The following KIF3B variants were observed in gnomAD, a reference collection of about 807,000 sequenced individuals.
The protein encoded by KIF3B is kinesin-like protein KIF3B.
KIF3B carries 38 observed loss-of-function variants against 74.3 expected under a neutral mutation model. That is an observed-to-expected ratio of 0.51 (90% CI 0.39 to 0.67). The LOEUF (loss-of-function observed/expected upper bound fraction) is 0.67. Ranked by LOEUF, KIF3B falls within the 30% of genes least tolerant of loss-of-function variation. KIF3B has a pLI of 0.00. For missense variants in KIF3B, 649 were observed against 932.0 expected, an observed-to-expected ratio of 0.70 and a Z score of 3.95; for synonymous variants, 326 against 342.5, an observed-to-expected ratio of 0.95 and a Z score of 0.53.
chr20:32,296,772 A>T (rs2122670114), intron 1 of KIF3B, among the ~76,000 whole-genome samples: 1 of 152,296 alleles, frequency 6.6e-6, no homozygotes, highest in South Asian at 2.1e-4. Flanking sequence ...TTTTCTCAAT[A>T]TGTATAAAAC....
In KIF3B at chr20:32,322,916, A is replaced by G. The variant is rs1165914640; in HGVS notation, c.1749-3855A>G. Among the ~76,000 whole-genome samples the G allele has an allele frequency of 2.5e-5, 2 of 79,936 alleles. 1 individual carries two copies. The highest frequency in any genetic ancestry group is 1.1e-4 in the African/African-American group (2 of 18,296). The allele number at this position is 79,936 out of a possible 152,430, so 52.4% of individuals were successfully genotyped here. On this transcript the variant is annotated intron_variant, in intron 5 of 8. Coordinates refer to ENST00000375712, the MANE Select transcript of KIF3B (RefSeq NM_004798.4). ...TATACATATTCATATATATTTTTAT[A>G]TATTTATATATACATATTTATATAT... is the stretch of plus-strand genomic sequence containing the variant.
At chr20:32,322,724 T>TTATTTATTTATATA in intron 5 of KIF3B, among the ~76,000 whole-genome samples, 1 of 37,446 alleles carries the variant, frequency 2.7e-5, no homozygotes, top group Non-Finnish European at 4.4e-5. Flanking sequence ...ATATTTATAT[T>TTATTTATTTATATA]TATTTATTTA....
At chr20:32,284,262 G>T (rs975944369) in intron 1 of KIF3B, among the ~76,000 whole-genome samples, 9 of 152,052 alleles carry the variant, frequency 5.9e-5, no homozygotes, top group African/African-American at 2.2e-4. Flanking sequence ...GTATAACTTT[G>T]CAGTTTAGAA....
At chr20:32,304,733 G>T (rs567410219) in intron 1 of KIF3B, among the ~76,000 whole-genome samples, 1 of 152,112 alleles carries the variant, frequency 6.6e-6, no homozygotes, top group African/African-American at 2.4e-5. Flanking sequence ...ATGTATCAAT[G>T]ATTTAAAATC....
At position 32,333,631 on chromosome 20, in the gene KIF3B, T is replaced by TAAAA. The variant is rs2047941104; in HGVS notation, c.*2312_*2313insAAAA. ...CTGGGTGACAGAGTGAGACTCCCCC[T>TAAAA]CAAAAAAAAAAAAAAAAAAAAAAAA... On this transcript the variant is annotated 3_prime_UTR_variant, in exon 9 of 9. Transcript: ENST00000375712. 1 of 15,496 alleles carries TAAAA rather than the reference T, an allele frequency of 6.5e-5. No individual in the cohort carries two copies. The highest frequency in any genetic ancestry group is 5.3e-4 in the African/African-American group (1 of 1,872). The allele number at this position is 15,496 out of a possible 1,614,324, so 1.0% of individuals were successfully genotyped here.
Position 32,310,506 on chromosome 20 carries a change from T to C in KIF3B, c.729T>C (p.Leu243=), listed in dbSNP as rs1413695400. Residue 243 remains leucine, a synonymous_variant, in exon 2 of 9, where the codon CTT becomes CTC. Transcript: ENST00000375712. This position sits in a 1 kb window ranked among gnomAD's most constrained non-coding sequence, Gnocchi z 6.5. ...ENHIRVGKLN[L]VDLAGSERQA... Reference sequence around the variant, plus strand: ...ACATCCGTGTAGGAAAATTGAACCTTGTAGATCTTGCTGGCAGCGAACGGC... The same window carrying C: ...ACATCCGTGTAGGAAAATTGAACCTCGTAGATCTTGCTGGCAGCGAACGGC... 1.2e-6 allele frequency: 2 copies of C among 1,613,890 alleles called. No homozygotes were observed. The highest frequency in any genetic ancestry group is 1.7e-5 in the Admixed American group (1 of 60,026).
intron 1 of KIF3B, among the ~76,000 whole-genome samples, chr20:32,289,734 G>A (rs201875085): frequency 2.6e-5 from 4 of 152,072 alleles, no homozygotes; most frequent in East Asian, 1.9e-4. Flanking sequence ...AAGAAAAAAC[G>A]TTAAGTAAAT....
intron 5 of KIF3B, among the ~76,000 whole-genome samples, chr20:32,317,426 A>C (rs971158986): frequency 1.3e-5 from 2 of 152,140 alleles, no homozygotes; most frequent in African/African-American, 4.8e-5. Flanking sequence ...CTGGTCTTAC[A>C]TCTGTCTGAT....
At chr20:32,292,683 G>A (rs1053359076) in intron 1 of KIF3B, among the ~76,000 whole-genome samples, 2 of 151,898 alleles carry the variant, frequency 1.3e-5, no homozygotes, top group Non-Finnish European at 2.9e-5. Flanking sequence ...GCTTGAGCGA[G>A]GAGTTCGAGG....
intron 5 of KIF3B, among the ~76,000 whole-genome samples, chr20:32,317,621 A>G (rs960184370): frequency 2.0e-5 from 3 of 151,356 alleles, no homozygotes; most frequent in Admixed American, 1.3e-4. Context: ...ACTTATATAT[A>G]TATATATATG....
intron 5 of KIF3B, among the ~76,000 whole-genome samples, chr20:32,317,517 C>CA (rs2047834185): frequency 6.6e-6 from 1 of 152,134 alleles, no homozygotes. Context: ...AAGTACCCAT[C>CA]ACCCAGATTC....
intron 5 of KIF3B, among the ~76,000 whole-genome samples, chr20:32,323,054 TTATATTTATA>T (rs1247448581): frequency 2.0e-4 from 14 of 68,440 alleles, no homozygotes; most frequent in African/African-American, 3.8e-4. Context: ...TTATATATAT[TTATATTTATA>T]TATATTTATA....
chr20:32,314,628 G>A (rs939025057), intron 2 of KIF3B, among the ~76,000 whole-genome samples: 5 of 152,116 alleles, frequency 3.3e-5, no homozygotes, highest in Non-Finnish European at 7.4e-5. Context: ...TCATTCGAGA[G>A]GTGAGGAAAC....
At chr20:32,307,369 C>T (rs2122687441) in intron 1 of KIF3B, among the ~76,000 whole-genome samples, 1 of 152,218 alleles carries the variant, frequency 6.6e-6, no homozygotes, top group Middle Eastern at 3.4e-3. Flanking sequence ...TTTAGATTAC[C>T]ACCTTCTTTT....
chr20:32,315,668 G>A (rs190311166), intron 2 of KIF3B, among the ~76,000 whole-genome samples: 1 of 152,094 alleles, frequency 6.6e-6, no homozygotes, highest in Non-Finnish European at 1.5e-5. Flanking sequence ...AGCTGTGATC[G>A]TGCCACCGCA....
At chr20:32,308,027 G>C (rs1207954582) in intron 1 of KIF3B, among the ~76,000 whole-genome samples, 1 of 151,628 alleles carries the variant, frequency 6.6e-6, no homozygotes, top group Non-Finnish European at 1.5e-5. Flanking sequence ...TTGTGGCCAG[G>C]AGTTTGAGAC....
chr20:32,312,222 A>G (rs2047804599), intron 2 of KIF3B, among the ~76,000 whole-genome samples: 1 of 149,918 alleles, frequency 6.7e-6, no homozygotes, highest in East Asian at 2.0e-4. Context: ...CTCCCACCTC[A>G]GCCTCCCAAG....
chr20:32,316,067 A>G, intron 2 of KIF3B, 151 bp from the exon 3 acceptor site: 1 of 574,260 alleles, frequency 1.7e-6, no homozygotes. Flanking sequence ...CCAGTGATGG[A>G]TGGGCACAGC....
intron 1 of KIF3B, among the ~76,000 whole-genome samples, chr20:32,278,921 CTTTTT>C (rs57355936): frequency 2.5e-5 from 3 of 118,416 alleles, no homozygotes; most frequent in East Asian, 2.7e-4. Context: ...CTTAAGAATC[CTTTTT>C]TTTTTTTTTT....
Sources: allele counts gnomAD v4.1 joint callset (sites outside exome capture counted in the v4.1 genomes callset), GRCh38; gene constraint gnomAD v4.1.1; non-coding constraint Gnocchi (gnomAD v3.1); transcripts MANE v1.5; gene names NCBI Gene and HGNC (gene_info 2026-07-23, HGNC 2026-07-21).